ZC3H3: variants seen among roughly 807,000 people sequenced by gnomAD.
The protein encoded by ZC3H3 is zinc finger CCCH domain-containing protein 3.
ZC3H3 carries 36 observed loss-of-function variants against 77.3 expected under a neutral mutation model. The ratio of observed to expected loss-of-function variants is 0.47; its 90% CI spans 0.36 to 0.61. The LOEUF (loss-of-function observed/expected upper bound fraction) is 0.61. Among genes scored for constraint, ZC3H3 ranks in the 20% least tolerant of loss-of-function variants. The pLI, the probability that ZC3H3 is intolerant of heterozygous loss-of-function variation, is 0.00. For missense variants in ZC3H3, 1,331 were observed against 1,312.2 expected, an observed-to-expected ratio of 1.01 and a Z score of -0.22; for synonymous variants, 626 against 555.2, an observed-to-expected ratio of 1.13 and a Z score of -1.79.
intron 4 of ZC3H3, 123 bp from the exon 5 acceptor site, chr8:143,475,708 G>A: frequency 8.5e-7 from 1 of 1,170,510 alleles, no homozygotes; most frequent in Admixed American, 2.8e-5. Flanking sequence ...CACTTGCGGT[G>A]GGTACACACT....
At chr8:143,504,084 G>A (rs1017393917) in intron 4 of ZC3H3, among the ~76,000 whole-genome samples, 9 of 152,034 alleles carry the variant, frequency 5.9e-5, no homozygotes, top group Admixed American at 4.6e-4. Context: ...CCCTCGGGCT[G>A]CAGGGAAGGG....
At chr8:143,496,377 C>A (rs886653342) in intron 4 of ZC3H3, among the ~76,000 whole-genome samples, 1 of 152,232 alleles carries the variant, frequency 6.6e-6, no homozygotes, top group Admixed American at 6.5e-5. Context: ...GCTGACTCCA[C>A]GGTGAGCCTG....
intron 8 of ZC3H3, among the ~76,000 whole-genome samples, chr8:143,467,946 C>T (rs921342122): frequency 7.2e-5 from 11 of 152,138 alleles, no homozygotes; most frequent in African/African-American, 2.4e-4. Flanking sequence ...TCTGGTGAGG[C>T]CTGGTGCTGC....
Position 143,504,483 on chromosome 8 carries a change from C to T in ZC3H3, c.1715+3263G>A, listed in dbSNP as rs200490590. 2.8e-4 allele frequency among the ~76,000 whole-genome samples: 43 copies of T among 152,280 alleles called. 1 individual carries two copies. Among genetic ancestry groups the T allele is most frequent in the East Asian group, 2.3e-3 (12 of 5,178 alleles). On this transcript the variant is annotated intron_variant, in intron 4 of 11. Transcript: ENST00000262577. ...GGGCCCAGTCCCATTCCTCTCAGGA[C>T]GGGTGGTAGAGGTCCTGCCCCCTCC...
At chr8:143,465,203 G>C (rs933604411) in intron 9 of ZC3H3, among the ~76,000 whole-genome samples, 6 of 152,100 alleles carry the variant, frequency 3.9e-5, no homozygotes, top group Non-Finnish European at 7.4e-5. Flanking sequence ...TCCAGCGCCA[G>C]CTCACTCCAC....
chr8:143,483,938 G>T (rs1257631777), intron 4 of ZC3H3, among the ~76,000 whole-genome samples: 1 of 152,230 alleles, frequency 6.6e-6, no homozygotes, highest in South Asian at 2.1e-4. Context: ...CAGTATGGGG[G>T]CCTGCAGAGA....
rs368217697 is a variant in ZC3H3, at chr8:143,468,366, G to A, written c.2105+16C>T. 1.5e-5 allele frequency: 24 copies of A among 1,611,914 alleles called. No homozygotes were observed. Among genetic ancestry groups the A allele is most frequent in the East Asian group, 2.2e-5 (1 of 44,840 alleles). On this transcript the variant is annotated intron_variant, in intron 7 of 11. Transcript: ENST00000262577. ...ACAGAACCTCCCCCAGGCCCACAGC[G>A]AGGGCAGGAGGGCACCTGGTGCACA...
chr8:143,457,518 C>G (rs1281407991), intron 9 of ZC3H3, among the ~76,000 whole-genome samples: 2 of 151,916 alleles, frequency 1.3e-5, no homozygotes, highest in African/African-American at 2.4e-5. Context: ...GACTCTTAAG[C>G]TCAGGAGTTT....
chr8:143,519,155 G>A (rs1366090672), intron 3 of ZC3H3, among the ~76,000 whole-genome samples: 2 of 152,210 alleles, frequency 1.3e-5, no homozygotes, highest in African/African-American at 4.8e-5. Flanking sequence ...GTGTGCTGAC[G>A]GCTGACTGGG....
chr8:143,538,469 T>C lies in ZC3H3; in HGVS notation c.898A>G (p.Thr300Ala). ...RQAREASLVV[T>A]CRTNKFRKNN... ...TTCCGGAACTTGTTAGTTCGACAGG[T>C]CACAACCAGCGAGGCCTCCCGGGCC... is the stretch of plus-strand genomic sequence containing the variant. Residue 300 changes from threonine (T) to alanine (A), a missense_variant, in exon 2 of 12, where the codon ACC becomes GCC. Thr to Ala is a moderately conservative substitution (Grantham distance 58, BLOSUM62 0). Around this residue, in one of 3 missense-constraint regions of ZC3H3, gnomAD observed 978 missense variants for 915.5 expected, o/e 1.07. Coordinates refer to ENST00000262577, the MANE Select transcript of ZC3H3 (RefSeq NM_015117.3). 1 of 1,613,064 alleles carries C rather than the reference T, an allele frequency of 6.2e-7. No homozygotes were observed. Among genetic ancestry groups the C allele is most frequent in the South Asian group, 1.1e-5 (1 of 91,088 alleles).
chr8:143,471,644 C>T (rs966224778), intron 5 of ZC3H3, among the ~76,000 whole-genome samples: 6 of 152,152 alleles, frequency 3.9e-5, no homozygotes, highest in East Asian at 1.9e-4. Context: ...AGGTGGCAGG[C>T]GGGCCCAGGA....
intron 1 of ZC3H3, 102 bp downstream of exon 1, chr8:143,541,274 A>C: frequency 1.9e-6 from 3 of 1,574,212 alleles, no homozygotes; most frequent in Non-Finnish European, 2.6e-6. Flanking sequence ...GCCACCCAGA[A>C]CACGCGGGCG....
At chr8:143,506,028 G>C (rs1284088641) in intron 4 of ZC3H3, among the ~76,000 whole-genome samples, 1 of 152,190 alleles carries the variant, frequency 6.6e-6, no homozygotes, top group Non-Finnish European at 1.5e-5. Context: ...CCGACAGGAG[G>C]CCCTGGGCGC....
intron 9 of ZC3H3, among the ~76,000 whole-genome samples, chr8:143,452,432 C>T (rs1820012482): frequency 6.6e-6 from 1 of 152,212 alleles, no homozygotes; most frequent in African/African-American, 2.4e-5. Flanking sequence ...CAACAGCCAG[C>T]ATGACTAGGC....
intron 3 of ZC3H3, among the ~76,000 whole-genome samples, chr8:143,510,935 C>T (rs376439821): frequency 2.0e-5 from 3 of 152,230 alleles, no homozygotes; most frequent in African/African-American, 4.8e-5. Flanking sequence ...GCCCCACACA[C>T]GCAGCCCTCT....
chr8:143,442,408 G>T (rs1264115096), intron 9 of ZC3H3, among the ~76,000 whole-genome samples: 2 of 117,950 alleles, frequency 1.7e-5, no homozygotes, highest in Non-Finnish European at 1.8e-5. Flanking sequence ...GCCGGGGGGG[G>T]TGGGGGGGCG....
chr8:143,540,133 G>C (rs1305955358), intron 1 of ZC3H3, among the ~76,000 whole-genome samples: 1 of 152,244 alleles, frequency 6.6e-6, no homozygotes, highest in East Asian at 1.9e-4. Flanking sequence ...CAGCCCACCT[G>C]GCCTCTTATC....
intron 4 of ZC3H3, among the ~76,000 whole-genome samples, chr8:143,497,491 A>C (rs1406810388): frequency 6.6e-6 from 1 of 151,942 alleles, no homozygotes; most frequent in Non-Finnish European, 1.5e-5. Context: ...GAGCAGTACC[A>C]CCTCCGACAG....
intron 4 of ZC3H3, among the ~76,000 whole-genome samples, chr8:143,485,750 C>T (rs1362943382): frequency 6.6e-6 from 1 of 152,250 alleles, no homozygotes; most frequent in Non-Finnish European, 1.5e-5. Context: ...CAAAAACAAA[C>T]TCCCACAAAT....
Sources: gnomAD v4.1 joint callset for allele counts (sites outside exome capture counted in the v4.1 genomes callset) on GRCh38, gnomAD v4.1.1 for gene constraint, gnomAD v4.1.1 regional missense constraint, MANE v1.5 for transcripts, NCBI Gene and HGNC (gene_info 2026-07-23, HGNC 2026-07-21) for gene names.